The following ABI1 variants were observed in gnomAD, a reference collection of about 807,000 sequenced individuals.
ABI1 encodes Abelson interactor 1.
Under a neutral mutation model 54.6 loss-of-function variants are expected in ABI1, and 14 were observed. The observed-to-expected ratio is 0.26, with a 90% confidence interval of 0.17 to 0.40. The LOEUF is 0.40. Among genes scored for constraint, ABI1 ranks in the 10% least tolerant of loss-of-function variants. ABI1 has a pLI of 1.00. For synonymous variants in ABI1, 194 were observed against 209.3 expected (o/e 0.93, Z 0.63); for missense variants, 443 against 598.3 (o/e 0.74, Z 2.71).
At chr10:26,815,634 G>A (rs1017741429) in intron 2 of ABI1, among the ~76,000 whole-genome samples, 10 of 152,158 alleles carry the variant, frequency 6.6e-5, no homozygotes, top group Non-Finnish European at 1.0e-4. Context: ...ACATTCAGGT[G>A]CAGTGGTTCA....
chr10:26,803,999 TAA>T (rs10709220), intron 2 of ABI1, among the ~76,000 whole-genome samples: 158 of 146,326 alleles, frequency 1.1e-3, no homozygotes, highest in African/African-American at 3.4e-3. Context: ...AAGGATGAAA[TAA>T]AAAAAAAAAA....
intron 7 of ABI1, among the ~76,000 whole-genome samples, chr10:26,761,617 CATAT>C (rs1164854399): frequency 0.028 from 1,375 of 49,768 alleles, 14 homozygotes; most frequent in Middle Eastern, 0.094. Flanking sequence ...TAGTTTTTGT[CATAT>C]ATATATATAT....
At chr10:26,779,350 G>C (rs1029440906) in intron 2 of ABI1, among the ~76,000 whole-genome samples, 8 of 152,178 alleles carry the variant, frequency 5.3e-5, no homozygotes, top group Non-Finnish European at 8.8e-5. Context: ...CAGATTCAAA[G>C]ACAACAGCCT....
rs1324850734 is a variant in ABI1 at position 26,807,921 on chromosome 10, G to A, written c.285+15217C>T. ...AGCCTGGCCAAAATGGTGAAACCCC[G>A]CCTCTATTAAAAATACAAAAATTAG... On this transcript the variant is annotated intron_variant, in intron 2 of 10. Coordinates refer to ENST00000376140, the MANE Select transcript of ABI1 (RefSeq NM_001012750.3). Among the ~76,000 whole-genome samples the A allele has an allele frequency of 3.3e-5, 5 of 151,764 alleles. No individual in the cohort carries two copies. The East Asian group carries it at 5.8e-4, about 18-fold the overall frequency.
chr10:26,770,315 T>C lies in ABI1; in HGVS notation c.508A>G (p.Thr170Ala), dbSNP rs776769792. The C allele has an allele frequency of 1.2e-6, 2 of 1,613,942 alleles. No homozygotes were observed. Among genetic ancestry groups the C allele is most frequent in the South Asian group, 2.2e-5 (2 of 91,090 alleles). Residue 170 changes from threonine to alanine, a missense_variant, in exon 5 of 11, where the codon ACA (threonine) becomes GCA (alanine). Thr to Ala is a moderately conservative substitution (Grantham distance 58, BLOSUM62 0). Coordinates refer to ENST00000376140, the MANE Select transcript of ABI1 (RefSeq NM_001012750.3). ...HGNNQPARTG[T>A]LSRTNPPTQK... is the part of the protein sequence containing the mutation. ...GTAGGAGGATTTGTTCTCGACAGTGTGCCAGTTCTTGCAGGCTGGTTATTT... is the reference window on the plus strand; with the variant it reads ...GTAGGAGGATTTGTTCTCGACAGTGCGCCAGTTCTTGCAGGCTGGTTATTT...
intron 2 of ABI1, among the ~76,000 whole-genome samples, chr10:26,808,638 G>A (rs766296675): frequency 1.3e-5 from 2 of 151,550 alleles, no homozygotes; most frequent in African/African-American, 2.4e-5. Flanking sequence ...CAGGAGAATC[G>A]CTTGAACGCA....
At chr10:26,752,395 G>T (rs942086559) in intron 9 of ABI1, among the ~76,000 whole-genome samples, 6 of 152,084 alleles carry the variant, frequency 3.9e-5, no homozygotes, top group Non-Finnish European at 7.4e-5. Context: ...AATGGAAAAA[G>T]AATCCCCAAC....
intron 10 of ABI1, 83 bp downstream of exon 10, chr10:26,751,515 C>T (rs1183271968): frequency 2.9e-6 from 4 of 1,372,394 alleles, no homozygotes; most frequent in Non-Finnish European, 3.9e-6. Context: ...GGCTGAGAAA[C>T]ATTGGATTAG....
At chr10:26,770,386 T>A in intron 4 of ABI1, 41 bp from the exon 5 acceptor site, 4 of 1,550,972 alleles carry the variant, frequency 2.6e-6, no homozygotes, top group Non-Finnish European at 3.6e-6. Context: ...TATATCAAAT[T>A]GTTCTCCTGG....
At chr10:26,806,389 A>G (rs1215945041) in intron 2 of ABI1, among the ~76,000 whole-genome samples, 1 of 152,116 alleles carries the variant, frequency 6.6e-6, no homozygotes, top group Non-Finnish European at 1.5e-5. Context: ...TTTTTTTCCA[A>G]ATTGATGCTC....
In ABI1 at chr10:26,770,313, T is replaced by C. The variant is rs1840516867; in HGVS notation, c.510A>G (p.Thr170=). ...HGNNQPARTG[T]LSRTNPPTQK... is the part of the protein sequence containing the mutation. The stretch of plus-strand genomic sequence containing the variant: ...GAGTAGGAGGATTTGTTCTCGACAG[T>C]GTGCCAGTTCTTGCAGGCTGGTTAT... Residue 170 remains threonine (T), a synonymous_variant, in exon 5 of 11, where the codon ACA becomes ACG. Transcript: ENST00000376140. The C allele has an allele frequency of 1.2e-6, 2 of 1,614,082 alleles. No individual in the cohort carries two copies. The highest frequency in any genetic ancestry group is 1.7e-6 in the Non-Finnish European group (2 of 1,179,910).
intron 10 of ABI1, 113 bp from the exon 11 acceptor site, chr10:26,748,858 T>C: frequency 1.3e-6 from 1 of 784,738 alleles, no homozygotes; most frequent in Non-Finnish European, 2.0e-6. Flanking sequence ...TTTATGAAGA[T>C]TTCTTAATTT....
intron 3 of ABI1, among the ~76,000 whole-genome samples, chr10:26,772,093 G>A (rs933710194): frequency 1.3e-5 from 2 of 151,956 alleles, no homozygotes; most frequent in Non-Finnish European, 2.9e-5. Context: ...GAGAGATTTG[G>A]TGTCTTTTGG....
At position 26,860,303 on chromosome 10, in the gene ABI1, TCTC is replaced by T. The variant is rs1190865077; in HGVS notation, c.117+441_117+443del. 6.6e-6 allele frequency among the ~76,000 whole-genome samples: 1 copy of T among 151,524 alleles called. No homozygotes were observed. The highest frequency in any genetic ancestry group is 1.5e-5 in the Non-Finnish European group (1 of 67,898). ...TGCGGCTTCAGCCTCGTCCCTGCCC[TCTC>T]CTCTCCCCTCTCCCGTCCTGGACCT... On this transcript the variant is annotated intron_variant, in intron 1 of 10. Transcript: ENST00000376140. This position sits in a 1 kb window ranked among gnomAD's most constrained non-coding sequence, Gnocchi z 4.1.
chr10:26,768,949 T>C lies in ABI1; in HGVS notation c.622A>G (p.Thr208Ala). 2 of 1,613,268 alleles carry C rather than the reference T, an allele frequency of 1.2e-6. No individual in the cohort carries two copies. Among genetic ancestry groups the C allele is most frequent in the African/African-American group, 1.3e-5 (1 of 75,014 alleles). Residue 208 changes from threonine to alanine, a missense_variant, in exon 6 of 11, where the codon ACA (threonine) becomes GCA (alanine). Around this residue, in one of 2 missense-constraint regions of ABI1, gnomAD observed 394 missense variants for 484.8 expected, o/e 0.81. Coordinates refer to ENST00000376140, the MANE Select transcript of ABI1 (RefSeq NM_001012750.3). Reference protein sequence around the residue: ...YKTLEPVKPPTVPNDYMTSPA... With the variant: ...YKTLEPVKPPAVPNDYMTSPA... ...CTGGTCATATAGTCATTAGGAACTG[T>C]TGGGGGTTTAACAGGTTCCAGGGTT... is the stretch of plus-strand genomic sequence containing the variant.
At chr10:26,799,256 T>TA (rs2046387468) in intron 2 of ABI1, among the ~76,000 whole-genome samples, 1 of 152,068 alleles carries the variant, frequency 6.6e-6, no homozygotes, top group East Asian at 1.9e-4. Flanking sequence ...ATATTCTGCA[T>TA]ATTAATATAT....
intron 10 of ABI1, among the ~76,000 whole-genome samples, chr10:26,750,053 T>TTAA (rs1837415935): frequency 2.0e-5 from 3 of 152,196 alleles, no homozygotes; most frequent in Non-Finnish European, 2.9e-5. Flanking sequence ...TTAATTGGCT[T>TTAA]CACCAAGTAA....
intron 3 of ABI1, among the ~76,000 whole-genome samples, chr10:26,773,412 C>T (rs1189317946): frequency 6.6e-6 from 1 of 151,504 alleles, no homozygotes; most frequent in African/African-American, 2.4e-5. Flanking sequence ...GTTGGCCAGG[C>T]TGGTCTCGAA....
At chr10:26,827,444 A>G (rs1031068059) in intron 1 of ABI1, among the ~76,000 whole-genome samples, 8 of 151,158 alleles carry the variant, frequency 5.3e-5, no homozygotes, top group African/African-American at 2.0e-4. Flanking sequence ...GATGGTCTCG[A>G]TCTCCTGACC....
Sources: gnomAD v4.1 joint callset for allele counts (sites outside exome capture counted in the v4.1 genomes callset) on GRCh38, gnomAD v4.1.1 for gene constraint, gnomAD v4.1.1 regional missense constraint, Gnocchi (gnomAD v3.1) non-coding constraint, MANE v1.5 for transcripts, NCBI Gene and HGNC (gene_info 2026-07-23, HGNC 2026-07-21) for gene names.